PCP4: variants seen among roughly 807,000 people sequenced by gnomAD.
PCP4 encodes the protein Purkinje cell protein 4.
PCP4 carries 8 observed loss-of-function variants against 10.0 expected under a neutral mutation model. That is an observed-to-expected ratio of 0.80 (90% confidence interval 0.47 to 1.45). The LOEUF (loss-of-function observed/expected upper bound fraction) is 1.45. Ranked by LOEUF, PCP4 falls within the 40% of genes most tolerant of loss-of-function variation. PCP4 has a pLI of 0.00. For missense variants in PCP4, 54 were observed against 74.4 expected (o/e 0.73, Z 1.01); for synonymous variants, 21 against 23.0 (o/e 0.91, Z 0.24).
intron 2 of PCP4, 98 bp downstream of exon 2, chr21:39,898,625 A>T: frequency 3.4e-6 from 3 of 887,864 alleles, no homozygotes; most frequent in Non-Finnish European, 3.7e-6. Flanking sequence ...CAAACAGCTT[A>T]CTATATGTGT....
At chr21:39,884,792 G>A (rs1211930381) in intron 1 of PCP4, among the ~76,000 whole-genome samples, 6 of 136,376 alleles carry the variant, frequency 4.4e-5, no homozygotes, top group East Asian at 2.2e-4. Flanking sequence ...AGGAGACTCC[G>A]TCTTAAAAAG....
At chr21:39,912,315 T>G (rs1252961917) in intron 2 of PCP4, among the ~76,000 whole-genome samples, 1 of 129,444 alleles carries the variant, frequency 7.7e-6, no homozygotes, top group Non-Finnish European at 1.6e-5. Flanking sequence ...TTGAAAGGTT[T>G]TTTTTTTTTT....
intron 1 of PCP4, among the ~76,000 whole-genome samples, chr21:39,872,132 G>A (rs540699630): frequency 6.6e-6 from 1 of 152,042 alleles, no homozygotes; most frequent in Non-Finnish European, 1.5e-5. Context: ...CTGAGTAGCT[G>A]GGACTATAGG....
At chr21:39,879,597 C>T (rs1223412956) in intron 1 of PCP4, among the ~76,000 whole-genome samples, 1 of 152,164 alleles carries the variant, frequency 6.6e-6, no homozygotes, top group African/African-American at 2.4e-5. Context: ...CAAGCAGTGG[C>T]GTCGGAGGCC....
In PCP4 at chr21:39,923,923, T is replaced by C. The variant is rs75463414; in HGVS notation, c.62-5061T>C. ...GTCTAAGCTTTACAGTGACATGACT[T>C]GTGAGTTGTGGACTGTATCGGTCGG... On this transcript the variant is annotated intron_variant, in intron 2 of 2. Coordinates refer to ENST00000328619, the MANE Select transcript of PCP4 (RefSeq NM_006198.3). Among the ~76,000 whole-genome samples, 1,449 of 152,326 alleles carry C rather than the reference T, an allele frequency of 9.5e-3. 39 individuals are homozygous for C. The highest frequency in any genetic ancestry group is 0.033 in the African/African-American group (1,372 of 41,564).
intron 1 of PCP4, among the ~76,000 whole-genome samples, chr21:39,897,769 G>C (rs908438264): frequency 6.6e-6 from 1 of 152,022 alleles, no homozygotes; most frequent in Non-Finnish European, 1.5e-5. Context: ...ACATTGGGCC[G>C]GGCGCGGTGG....
At chr21:39,913,765 G>A (rs922506829) in intron 2 of PCP4, among the ~76,000 whole-genome samples, 5 of 152,184 alleles carry the variant, frequency 3.3e-5, no homozygotes, top group African/African-American at 1.2e-4. Context: ...CCCCTTTGGA[G>A]TTGCCAGAGA....
At chr21:39,883,585 C>G (rs760648791) in intron 1 of PCP4, 2 of 152,198 alleles carry the variant, frequency 1.3e-5, no homozygotes, top group Non-Finnish European at 2.9e-5. Context: ...AGAAAAATGA[C>G]ACAAATCTCA....
intron 1 of PCP4, among the ~76,000 whole-genome samples, chr21:39,870,919 A>G (rs2087316584): frequency 6.6e-6 from 1 of 152,232 alleles, no homozygotes; most frequent in African/African-American, 2.4e-5. Context: ...TCGTCTAGAC[A>G]TTGGCCGCAG....
intron 1 of PCP4, among the ~76,000 whole-genome samples, chr21:39,880,920 G>A (rs924424595): frequency 1.3e-5 from 2 of 152,136 alleles, no homozygotes; most frequent in South Asian, 2.1e-4. Flanking sequence ...GATTTCAGAG[G>A]AATTTGAAAC....
intron 1 of PCP4, among the ~76,000 whole-genome samples, chr21:39,890,818 G>GCTATTGAAATAGCCT (rs1457417454): frequency 6.6e-6 from 1 of 152,132 alleles, no homozygotes; most frequent in Non-Finnish European, 1.5e-5. Context: ...GCCTTATCCA[G>GCTATTGAAATAGCCT]TGGTGGCTAT....
chr21:39,875,416 A>G (rs1411384836), intron 1 of PCP4, among the ~76,000 whole-genome samples: 1 of 152,198 alleles, frequency 6.6e-6, no homozygotes, highest in Non-Finnish European at 1.5e-5. Context: ...AAGTCTGCCC[A>G]TGTCCAAGAC....
chr21:39,889,329 C>T (rs1297829157), intron 1 of PCP4, among the ~76,000 whole-genome samples: 1 of 152,090 alleles, frequency 6.6e-6, no homozygotes, highest in East Asian at 1.9e-4. Flanking sequence ...TCCTTATTCC[C>T]TAACCCTTAG....
intron 2 of PCP4, among the ~76,000 whole-genome samples, chr21:39,912,557 G>T (rs778481510): frequency 1.3e-5 from 2 of 151,934 alleles, no homozygotes; most frequent in African/African-American, 2.4e-5. Flanking sequence ...ATTTAACCAG[G>T]CCCCATCTGA....
intron 1 of PCP4, among the ~76,000 whole-genome samples, chr21:39,896,410 G>A (rs1163789697): frequency 2.6e-5 from 4 of 152,208 alleles, no homozygotes; most frequent in Non-Finnish European, 4.4e-5. Context: ...CAACTCAGTA[G>A]TAGTCAGATT....
At chr21:39,907,255 GCC>G in intron 2 of PCP4, among the ~76,000 whole-genome samples, 1 of 152,230 alleles carries the variant, frequency 6.6e-6, no homozygotes, top group South Asian at 2.1e-4. Context: ...CAGCCTTGCA[GCC>G]CTGGGCGTGT....
At chr21:39,890,035 C>T (rs1256733003) in intron 1 of PCP4, among the ~76,000 whole-genome samples, 1 of 152,110 alleles carries the variant, frequency 6.6e-6, no homozygotes, top group Admixed American at 6.5e-5. Flanking sequence ...ATGAATAGCA[C>T]ACTGATTTTA....
intron 1 of PCP4, among the ~76,000 whole-genome samples, chr21:39,886,794 T>G (rs974600105): frequency 1.3e-5 from 2 of 152,210 alleles, no homozygotes; most frequent in African/African-American, 4.8e-5. Context: ...ATTATATATA[T>G]GGCATGTGGT....
chr21:39,906,518 T>C lies in PCP4; in HGVS notation c.61+7991T>C, dbSNP rs2146342039. Among the ~76,000 whole-genome samples, 1 of 152,080 alleles carries C rather than the reference T, an allele frequency of 6.6e-6. No individual in the cohort carries two copies. Among genetic ancestry groups the C allele is most frequent in the Non-Finnish European group, 1.5e-5 (1 of 68,014 alleles). On this transcript the variant is annotated intron_variant, in intron 2 of 2. Transcript: ENST00000328619. The surrounding 1 kb of genome is among the most constrained non-coding windows in gnomAD (Gnocchi z 6.3). ...CTTCATATTTCACCTGCCCTCTTCC[T>C]CACCCTTTCTCTTTCTCCCTCCTTC...
Sources: allele counts gnomAD v4.1 joint callset (sites outside exome capture counted in the v4.1 genomes callset), GRCh38; gene constraint gnomAD v4.1.1; non-coding constraint Gnocchi (gnomAD v3.1); transcripts MANE v1.5; gene names NCBI Gene and HGNC (gene_info 2026-07-23, HGNC 2026-07-21).